FBXO32: variants seen among roughly 807,000 people sequenced by gnomAD.
FBXO32 encodes F-box only protein 32.
In FBXO32, 15 loss-of-function variants were observed where a neutral mutation model predicts 48.3. The ratio of observed to expected loss-of-function variants is 0.31; its 90% CI spans 0.21 to 0.48. The LOEUF (loss-of-function observed/expected upper bound fraction) is 0.48, where lower values mean the gene tolerates loss of function less well. FBXO32 is among the 20% of genes least tolerant of loss of function. The pLI is 0.99. For synonymous variants in FBXO32, 154 were observed against 165.9 expected (o/e 0.93, Z 0.55); for missense variants, 309 against 432.7 (o/e 0.71, Z 2.54).
At chr8:123,518,584 G>A (rs1816885216) in intron 4 of FBXO32, among the ~76,000 whole-genome samples, 1 of 152,130 alleles carries the variant, frequency 6.6e-6, no homozygotes, top group African/African-American at 2.4e-5. Flanking sequence ...TTCTACCATG[G>A]AGTCTTATTT....
At position 123,540,825 on chromosome 8, in the gene FBXO32, C is replaced by A. The variant is rs532255284; in HGVS notation, c.116+74G>T. ...GCTCCAGCCCTGCCTGCCCCTCATT[C>A]GCCGTCCCTGCGCCCCCCAGACCAG... On this transcript the variant is annotated intron_variant, in intron 1 of 8. Transcript: ENST00000517956. The surrounding 1 kb of genome is among the most constrained non-coding windows in gnomAD (Gnocchi z 6.4). The A allele has an allele frequency of 2.3e-6, 3 of 1,285,086 alleles. No individual in the cohort carries two copies. The highest frequency in any genetic ancestry group is 1.5e-5 in the African/African-American group (1 of 67,036). 79.6% of individuals were successfully genotyped at this position (1,285,086 alleles called of 1,614,324 possible). A position where few individuals can be genotyped will look rare whatever the true frequency, so the allele number is the denominator to read the frequency against.
intron 6 of FBXO32, among the ~76,000 whole-genome samples, chr8:123,511,561 C>T (rs957077186): frequency 2.0e-5 from 3 of 151,756 alleles, no homozygotes; most frequent in African/African-American, 7.3e-5. Context: ...CTGCAACCTT[C>T]AACTCCCAGG....
At chr8:123,535,790 G>T (rs1817297772) in intron 1 of FBXO32, among the ~76,000 whole-genome samples, 1 of 150,320 alleles carries the variant, frequency 6.7e-6, no homozygotes, top group African/African-American at 2.4e-5. Flanking sequence ...ATGTAAAACA[G>T]GATTTATAAT....
chr8:123,534,602 G>T (rs1206642845), intron 2 of FBXO32, 100 bp downstream of exon 2: 15 of 686,588 alleles, frequency 2.2e-5, no homozygotes, highest in Non-Finnish European at 3.1e-5. Context: ...AAACACTGAG[G>T]CAGATGTGTG....
chr8:123,514,712 G>A (rs7824760), intron 4 of FBXO32, among the ~76,000 whole-genome samples: 1,857 of 152,304 alleles, frequency 0.012, 26 homozygotes, highest in African/African-American at 0.043. Context: ...TTCTGCCCCC[G>A]CTTGAACTTC....
rs200134047 is a variant in FBXO32 at position 123,524,527 on chromosome 8, TTTTCC to T, written c.372+7366_372+7370del. Among the ~76,000 whole-genome samples, 470 of 152,240 alleles carry T rather than the reference TTTTCC, an allele frequency of 3.1e-3. 3 individuals are homozygous for T. The highest frequency in any genetic ancestry group is 0.011 in the African/African-American group (448 of 41,542). The stretch of plus-strand genomic sequence containing the variant: ...CACAATCACTTCTGTGCATCATTTC[TTTTCC>T]TTTTTCTTTTTATCTTTTTTTGAGA... On this transcript the variant is annotated intron_variant, in intron 4 of 8. Transcript: ENST00000517956.
intron 4 of FBXO32, among the ~76,000 whole-genome samples, chr8:123,517,477 CTTTT>C (rs34410652): frequency 1.4e-5 from 2 of 146,556 alleles, no homozygotes; most frequent in African/African-American, 2.5e-5. Context: ...TCCCCCCTAC[CTTTT>C]TTTTTTTTTT....
At chr8:123,507,441 GTGTGTGTGT>G (rs1563919682) in intron 6 of FBXO32, among the ~76,000 whole-genome samples, 4 of 98,062 alleles carry the variant, frequency 4.1e-5, no homozygotes, top group South Asian at 2.9e-4. Context: ...GTGCTAGGGT[GTGTGTGTGT>G]GTGTGTGTGT....
chr8:123,506,292 AG>A lies in FBXO32; in HGVS notation c.834+99del. The A allele has an allele frequency of 7.6e-7, 1 of 1,308,348 alleles. No homozygotes were observed. The highest frequency in any genetic ancestry group is 1.1e-6 in the Non-Finnish European group (1 of 935,646). 81.0% of individuals were successfully genotyped at this position (1,308,348 alleles called of 1,614,324 possible). On this transcript the variant is annotated intron_variant, in intron 7 of 8. Coordinates refer to ENST00000517956, the MANE Select transcript of FBXO32 (RefSeq NM_058229.4). This position sits in a 1 kb window ranked among gnomAD's most constrained non-coding sequence, Gnocchi z 4.0. Reference sequence around the variant, plus strand: ...TCAGTCAAACCAGGGAACCTGGAATAGGGGGAACCCAGACCTCAGGCTTGAG... The same window carrying A: ...TCAGTCAAACCAGGGAACCTGGAATAGGGGAACCCAGACCTCAGGCTTGAG...
intron 1 of FBXO32, among the ~76,000 whole-genome samples, chr8:123,536,943 T>A (rs186081719): frequency 2.6e-5 from 4 of 152,336 alleles, no homozygotes; most frequent in Admixed American, 1.3e-4. Flanking sequence ...GAATTTTACA[T>A]AATTGATGAT....
chr8:123,533,739 C>A (rs534320060), intron 2 of FBXO32, among the ~76,000 whole-genome samples: 16 of 152,214 alleles, frequency 1.1e-4, no homozygotes, highest in African/African-American at 3.9e-4. Context: ...ACCCGGGAGG[C>A]AGAGGTTGCA....
chr8:123,517,477 CTT>C (rs34410652), intron 4 of FBXO32, among the ~76,000 whole-genome samples: 100 of 146,490 alleles, frequency 6.8e-4, no homozygotes, highest in Admixed American at 7.5e-4. Context: ...TCCCCCCTAC[CTT>C]TTTTTTTTTT....
At position 123,500,522 on chromosome 8, in the gene FBXO32, G is replaced by C. The variant is rs1272663256; in HGVS notation, c.*2851C>G. ...TATTTGCTTTTGTTTGATAGGTCAGGTTGTCTGGGATGGTTTGCCAATAGA... is the reference window on the plus strand; with the variant it reads ...TATTTGCTTTTGTTTGATAGGTCAGCTTGTCTGGGATGGTTTGCCAATAGA... On this transcript the variant is annotated 3_prime_UTR_variant, in exon 9 of 9. Coordinates refer to ENST00000517956, the MANE Select transcript of FBXO32 (RefSeq NM_058229.4). 6.6e-6 allele frequency: 1 copy of C among 152,200 alleles called. No homozygotes were observed. The highest frequency in any genetic ancestry group is 1.9e-4 in the East Asian group (1 of 5,198). The allele number at this position is 152,200 out of a possible 1,614,324, so 9.4% of individuals were successfully genotyped here.
At position 123,513,258 on chromosome 8, in the gene FBXO32, C is replaced by T; in HGVS notation, c.591G>A (p.Val197=). Residue 197 remains valine, a synonymous_variant, in exon 6 of 9, where the codon GTG becomes GTA. Coordinates refer to ENST00000517956, the MANE Select transcript of FBXO32 (RefSeq NM_058229.4). This position sits in a 1 kb window ranked among gnomAD's most constrained non-coding sequence, Gnocchi z 4.3. Reference sequence around the variant, plus strand: ...AGTGGAGAATCGTCTCCATCCGATACACCCACATGTTAATGTTCCCGACCA... The same window carrying T: ...AGTGGAGAATCGTCTCCATCCGATATACCCACATGTTAATGTTCCCGACCA... The part of the protein sequence containing the change: ...SVLVGNINMW[V]YRMETILHWQ... 1 of 1,614,214 alleles carries T rather than the reference C, an allele frequency of 6.2e-7. No individual in the cohort carries two copies. The highest frequency in any genetic ancestry group is 8.5e-7 in the Non-Finnish European group (1 of 1,180,036).
At chr8:123,510,605 T>C (rs1816717178) in intron 6 of FBXO32, among the ~76,000 whole-genome samples, 1 of 152,064 alleles carries the variant, frequency 6.6e-6, no homozygotes, top group African/African-American at 2.4e-5. Context: ...AGAGACCCTG[T>C]TTCAAAAAAA....
In FBXO32 at chr8:123,525,359, A is replaced by G. The variant is rs1255550035; in HGVS notation, c.372+6539T>C. ...CTTGATCCACTAGCACATACGGGTC[A>G]GTTTACTCCAGTGAGAAAATTGGTA... On this transcript the variant is annotated intron_variant, in intron 4 of 8. Coordinates refer to ENST00000517956, the MANE Select transcript of FBXO32 (RefSeq NM_058229.4). This position sits in a 1 kb window ranked among gnomAD's most constrained non-coding sequence, Gnocchi z 4.3. Among the ~76,000 whole-genome samples the G allele has an allele frequency of 1.3e-5, 2 of 152,198 alleles. No homozygotes were observed. The highest frequency in any genetic ancestry group is 4.8e-5 in the African/African-American group (2 of 41,444).
At chr8:123,534,469 G>T (rs909709957) in intron 2 of FBXO32, among the ~76,000 whole-genome samples, 1 of 152,076 alleles carries the variant, frequency 6.6e-6, no homozygotes, top group African/African-American at 2.4e-5. Flanking sequence ...GGAAAAAAAG[G>T]CCCTCAACTA....
At chr8:123,519,562 A>AAG (rs1422430623) in intron 4 of FBXO32, among the ~76,000 whole-genome samples, 1 of 151,246 alleles carries the variant, frequency 6.6e-6, no homozygotes, top group East Asian at 1.9e-4. Context: ...AAAAAAAAAA[A>AAG]AAAAAAGAAA....
chr8:123,532,252 G>T, intron 3 of FBXO32: 1 of 1,126,862 alleles, frequency 8.9e-7, no homozygotes, highest in Non-Finnish European at 1.1e-6. Flanking sequence ...TTGGGACCTT[G>T]CTTATAATTT....
Sources: gnomAD v4.1 joint callset for allele counts (sites outside exome capture counted in the v4.1 genomes callset) on GRCh38, gnomAD v4.1.1 for gene constraint, Gnocchi (gnomAD v3.1) non-coding constraint, MANE v1.5 for transcripts, NCBI Gene and HGNC (gene_info 2026-07-23, HGNC 2026-07-21) for gene names.